UNC93A: variants seen among roughly 807,000 people sequenced by gnomAD.
The protein encoded by UNC93A is unc-93 homolog A.
A neutral mutation model predicts 47.5 loss-of-function variants in UNC93A; 43 were observed. The ratio of observed to expected loss-of-function variants is 0.91; its 90% CI spans 0.71 to 1.17. The LOEUF (loss-of-function observed/expected upper bound fraction) is 1.17. UNC93A is among the 50% of genes most tolerant of loss of function. UNC93A has a pLI of 0.00. For missense variants in UNC93A, 605 were observed against 577.6 expected, an observed-to-expected ratio of 1.05 and a Z score of -0.49; for synonymous variants, 280 against 258.0, an observed-to-expected ratio of 1.09 and a Z score of -0.82.
At chr6:167,280,209 G>A (rs1783608897) in intron 1 of UNC93A, among the ~76,000 whole-genome samples, 1 of 152,146 alleles carries the variant, frequency 6.6e-6, no homozygotes. Flanking sequence ...AGCAAAACTG[G>A]CCACCTGCCT....
intron 1 of UNC93A, among the ~76,000 whole-genome samples, chr6:167,275,765 C>A (rs1783528910): frequency 6.6e-6 from 1 of 152,258 alleles, no homozygotes; most frequent in African/African-American, 2.4e-5. Flanking sequence ...AGCTCAGATG[C>A]AACCTTGTGC....
At chr6:167,287,712 T>C (rs900036130), upstream of UNC93A, among the ~76,000 whole-genome samples, 3 of 149,344 alleles carry the variant, frequency 2.0e-5, no homozygotes, top group African/African-American at 2.5e-5. Flanking sequence ...TGTGTGTGCA[T>C]ATGTGTGTGT....
intron 1 of UNC93A, among the ~76,000 whole-genome samples, chr6:167,292,974 A>G (rs1783875745): frequency 6.6e-6 from 1 of 152,280 alleles, no homozygotes; most frequent in African/African-American, 2.4e-5. Flanking sequence ...GCTGTGGCTC[A>G]GCCACTGTCT....
chr6:167,285,622 G>A (rs887468982), intron 1 of UNC93A, among the ~76,000 whole-genome samples: 3 of 151,508 alleles, frequency 2.0e-5, no homozygotes, highest in South Asian at 2.1e-4. Flanking sequence ...CTCAGGTGAC[G>A]GCATCTGGTA....
At chr6:167,270,055 G>A (rs1208190767), upstream of UNC93A, among the ~76,000 whole-genome samples, 699 of 141,308 alleles carry the variant, frequency 4.9e-3, 7 homozygotes, top group African/African-American at 0.017. Context: ...ACGGGGTGGG[G>A]GTGGGGGTGG....
chr6:167,303,233 A>T (rs1562355872), intron 4 of UNC93A, among the ~76,000 whole-genome samples: 1 of 152,190 alleles, frequency 6.6e-6, no homozygotes, highest in Non-Finnish European at 1.5e-5. Flanking sequence ...GACATATTTA[A>T]TGCACATATA....
chr6:167,311,558 G>A (rs1778556282), intron 7 of UNC93A, among the ~76,000 whole-genome samples: 1 of 152,196 alleles, frequency 6.6e-6, no homozygotes, highest in Non-Finnish European at 1.5e-5. Context: ...TCTGTTGGCT[G>A]TTTTCAGGGT....
At chr6:167,278,442 A>G (rs1394622735) in intron 1 of UNC93A, among the ~76,000 whole-genome samples, 1 of 152,212 alleles carries the variant, frequency 6.6e-6, no homozygotes, top group Non-Finnish European at 1.5e-5. Flanking sequence ...CCACAACTCC[A>G]TGGCCAAAAT....
intron 1 of UNC93A, among the ~76,000 whole-genome samples, chr6:167,286,279 C>A (rs1415570109): frequency 6.6e-6 from 1 of 152,224 alleles, no homozygotes; most frequent in Non-Finnish European, 1.5e-5. Flanking sequence ...GGAGAAGTTT[C>A]CAGCAGGAGC....
At chr6:167,274,582 G>A (rs1164131240) in intron 1 of UNC93A, among the ~76,000 whole-genome samples, 3 of 152,140 alleles carry the variant, frequency 2.0e-5, no homozygotes. Context: ...TCCTGTTAGT[G>A]CCTGCAGTTG....
At chr6:167,296,302 AG>A (rs748333872) in intron 3 of UNC93A, 41 bp downstream of exon 3, 16 of 1,601,668 alleles carry the variant, frequency 1.0e-5, no homozygotes, top group African/African-American at 2.7e-5. Flanking sequence ...CAAGTGGAGC[AG>A]GGGTTTCAGT....
At chr6:167,285,914 T>G (rs1312516121) in intron 1 of UNC93A, among the ~76,000 whole-genome samples, 1 of 150,674 alleles carries the variant, frequency 6.6e-6, no homozygotes, top group African/African-American at 2.4e-5. Flanking sequence ...ACCAATTCTA[T>G]GTCCAGTGAA....
chr6:167,310,761 G>T (rs542992692), intron 7 of UNC93A, among the ~76,000 whole-genome samples: 1 of 152,262 alleles, frequency 6.6e-6, no homozygotes, highest in East Asian at 1.9e-4. Context: ...CATGCCTGTA[G>T]TCTCAGCTAC....
intron 1 of UNC93A, among the ~76,000 whole-genome samples, chr6:167,293,726 G>A (rs1274327931): frequency 6.6e-6 from 1 of 152,160 alleles, no homozygotes; most frequent in African/African-American, 2.4e-5. Context: ...ACCCTGGTCT[G>A]GACTAGGTCC....
In UNC93A at chr6:167,304,197, T is replaced by C. The variant is rs1778319558; in HGVS notation, c.840+64T>C. On this transcript the variant is annotated intron_variant, in intron 5 of 7. Transcript: ENST00000230256. ...GTGGCATCACTGCCTTGCCTGTGTC[T>C]GTACCTGCAGGACCGCAGAGTGTCT... 7.0e-6 allele frequency: 11 copies of C among 1,578,440 alleles called. No homozygotes were observed. In the South Asian group the frequency reaches 1.2e-4, roughly 18 times the overall value.
At chr6:167,283,659 T>C (rs1385349777) in intron 1 of UNC93A, among the ~76,000 whole-genome samples, 1 of 152,294 alleles carries the variant, frequency 6.6e-6, no homozygotes, top group South Asian at 2.1e-4. Flanking sequence ...CCAGCTAGAA[T>C]GAGTTGCGGA....
At position 167,296,252 on chromosome 6, in the gene UNC93A, C is replaced by T. The variant is rs1412893547; in HGVS notation, c.490C>T (p.Pro164Ser). The change falls in exon 3 of 8, where the codon CCC (proline) becomes TCC (serine). Residue 164 changes from proline to serine, a missense_variant. By Grantham distance (74) the Pro-to-Ser change is moderately conservative (BLOSUM62 -1). Coordinates refer to ENST00000230256, the MANE Select transcript of UNC93A (RefSeq NM_018974.4). ...CTCATCGCTGGTATTTGGCCAGACT[C>T]CCAGCCAAGGTAAAAGGAAAAGGGG... ...LISSLVFGQT[P>S]SQETLPEEQL... The T allele has an allele frequency of 6.2e-7, 1 of 1,614,192 alleles. No individual in the cohort carries two copies. Among genetic ancestry groups the T allele is most frequent in the East Asian group, 2.2e-5 (1 of 44,890 alleles).
At chr6:167,300,200 A>C (rs1405696164) in intron 4 of UNC93A, among the ~76,000 whole-genome samples, 1 of 152,184 alleles carries the variant, frequency 6.6e-6, no homozygotes, top group Admixed American at 6.5e-5. Context: ...AGGCCAATGC[A>C]AGTGTGGACG....
Position 167,294,752 on chromosome 6 carries a change from G to C in UNC93A, c.269+54G>C. On this transcript the variant is annotated intron_variant, in intron 2 of 7. Transcript: ENST00000230256. ...CACCCCGGCCGTTCCCCACGCTAGG[G>C]ACGTTCACTCTGCACATGAGTTGCA... is the stretch of plus-strand genomic sequence containing the variant. The C allele has an allele frequency of 5.9e-6, 9 of 1,535,874 alleles. No individual in the cohort carries two copies. In the South Asian group the frequency reaches 8.7e-5, roughly 15 times the overall value.
Sources: allele counts gnomAD v4.1 joint callset (sites outside exome capture counted in the v4.1 genomes callset), GRCh38; gene constraint gnomAD v4.1.1; transcripts MANE v1.5; gene names NCBI Gene and HGNC (gene_info 2026-07-23, HGNC 2026-07-21).